The following PCDH7 variants were observed in gnomAD, a reference collection of about 807,000 sequenced individuals.
The protein encoded by PCDH7 is protocadherin 7, also known as protocadherin-7.
A neutral mutation model predicts 58.9 loss-of-function variants in PCDH7; 17 were observed. The ratio of observed to expected loss-of-function variants is 0.29; its 90% CI spans 0.20 to 0.43. The LOEUF is 0.43. PCDH7 is among the 20% of genes least tolerant of loss of function. The pLI is 1.00. For synonymous variants in PCDH7, 664 were observed against 616.4 expected (o/e 1.08, Z -1.14); for missense variants, 1,274 against 1,441.0 (o/e 0.88, Z 1.88).
chr4:31,090,487 G>A (rs894765463), intron 3 of PCDH7, among the ~76,000 whole-genome samples: 2 of 151,960 alleles, frequency 1.3e-5, no homozygotes, highest in Non-Finnish European at 2.9e-5. Flanking sequence ...ACCCTGTTGT[G>A]CTAGCAAATA....
At chr4:30,749,851 A>G (rs1448478501) in intron 1 of PCDH7, among the ~76,000 whole-genome samples, 2 of 152,220 alleles carry the variant, frequency 1.3e-5, no homozygotes, top group Non-Finnish European at 2.9e-5. Flanking sequence ...TAAAAATTCC[A>G]TATGTACCAT....
intron 3 of PCDH7, among the ~76,000 whole-genome samples, chr4:31,048,792 A>G (rs2109216620): frequency 6.6e-6 from 1 of 152,234 alleles, no homozygotes; most frequent in African/African-American, 2.4e-5. Flanking sequence ...AGGAAATCGC[A>G]CTTAACCCAC....
Position 30,721,351 on chromosome 4 carries a change from G to T in PCDH7, c.-72G>T. Reference sequence around the variant, plus strand: ...GAGAGGACTCGGGGGAGGGCAGGCGGCCGGCCCCGGAGGAGGGGGGCGCCG... The same window carrying T: ...GAGAGGACTCGGGGGAGGGCAGGCGTCCGGCCCCGGAGGAGGGGGGCGCCG... On this transcript the variant is annotated 5_prime_UTR_variant, in exon 1 of 2. Transcript: ENST00000361762. The surrounding 1 kb of genome is among the most constrained non-coding windows in gnomAD (Gnocchi z 6.7). 7.3e-7 allele frequency: 1 copy of T among 1,379,164 alleles called. No individual in the cohort carries two copies. Among genetic ancestry groups the T allele is most frequent in the Non-Finnish European group, 9.5e-7 (1 of 1,050,982 alleles). The allele number at this position is 1,379,164 out of a possible 1,614,324, so 85.4% of individuals were successfully genotyped here.
intron 3 of PCDH7, among the ~76,000 whole-genome samples, chr4:30,985,220 G>A (rs899545586): frequency 6.6e-6 from 1 of 152,176 alleles, no homozygotes; most frequent in Non-Finnish European, 1.5e-5. Context: ...GTCTCCCAAA[G>A]TGCTGGGATT....
At chr4:30,840,029 A>AGTGT (rs10687813) in intron 1 of PCDH7, among the ~76,000 whole-genome samples, 2,272 of 148,598 alleles carry the variant, frequency 0.015, 15 homozygotes, top group African/African-American at 0.026. Flanking sequence ...AATGATGATG[A>AGTGT]GTGTGTGTGT....
At chr4:30,916,328 A>G (rs1742471632) in intron 1 of PCDH7, among the ~76,000 whole-genome samples, 1 of 152,316 alleles carries the variant, frequency 6.6e-6, no homozygotes, top group Non-Finnish European at 1.5e-5. Context: ...AGGAACTGTC[A>G]GAAAATGTCT....
intron 1 of PCDH7, among the ~76,000 whole-genome samples, chr4:30,887,155 A>G (rs1737935700): frequency 1.3e-5 from 2 of 152,194 alleles, no homozygotes; most frequent in Admixed American, 6.5e-5. Flanking sequence ...AGCTATGTAT[A>G]GGGACAATCT....
chr4:30,995,844 C>T (rs1751849675), intron 3 of PCDH7, among the ~76,000 whole-genome samples: 1 of 152,126 alleles, frequency 6.6e-6, no homozygotes, highest in African/African-American at 2.4e-5. Flanking sequence ...CCAGGGCTCC[C>T]TCCCTGCCTC....
intron 3 of PCDH7, among the ~76,000 whole-genome samples, chr4:31,135,269 T>C (rs1040494267): frequency 6.6e-6 from 1 of 152,190 alleles, no homozygotes; most frequent in Admixed American, 6.5e-5. Context: ...CCTAGTATCT[T>C]AGGGGCAAGT....
chr4:30,945,118 A>G (rs928889174), intron 2 of PCDH7, among the ~76,000 whole-genome samples: 1 of 152,124 alleles, frequency 6.6e-6, no homozygotes, highest in Non-Finnish European at 1.5e-5. Context: ...AAAAAGAAGC[A>G]TGTCATATTA....
intron 1 of PCDH7, among the ~76,000 whole-genome samples, chr4:30,865,464 C>T (rs1283372302): frequency 6.6e-6 from 1 of 151,964 alleles, no homozygotes; most frequent in Non-Finnish European, 1.5e-5. Flanking sequence ...AGACTATAGT[C>T]TGGAAGGCTG....
intron 1 of PCDH7, among the ~76,000 whole-genome samples, chr4:30,792,317 A>T (rs1724222771): frequency 6.6e-6 from 1 of 152,186 alleles, no homozygotes; most frequent in South Asian, 2.1e-4. Flanking sequence ...CTGGTCTTGG[A>T]GTACATAGTA....
intron 1 of PCDH7, among the ~76,000 whole-genome samples, chr4:30,758,531 T>C (rs554946132): frequency 6.6e-6 from 1 of 152,330 alleles, no homozygotes; most frequent in Non-Finnish European, 1.5e-5. Flanking sequence ...AGGCTCTTGA[T>C]ATTGTGGTTC....
rs1743434814 is a variant in PCDH7, at chr4:30,923,386, C to T, written c.287+3017C>T. 2.0e-5 allele frequency among the ~76,000 whole-genome samples: 3 copies of T among 152,074 alleles called. No homozygotes were observed. The South Asian group carries it at 6.2e-4, about 32-fold the overall frequency. On this transcript the variant is annotated intron_variant, in intron 2 of 3. Coordinates refer to the PCDH7 transcript ENST00000509759. ...AGAAAATTTAAGTGAAATGTACTTA[C>T]ATTTTACAAAAGCGTTATCTTCCTT...
intron 3 of PCDH7, among the ~76,000 whole-genome samples, chr4:31,079,417 G>A (rs1175452422): frequency 7.1e-6 from 1 of 141,112 alleles, no homozygotes; most frequent in African/African-American, 2.6e-5. Flanking sequence ...AGTTATCCAA[G>A]TGGCTGGTAA....
At chr4:30,792,774 G>A (rs778239106) in intron 1 of PCDH7, among the ~76,000 whole-genome samples, 36 of 152,082 alleles carry the variant, frequency 2.4e-4, no homozygotes, top group Non-Finnish European at 1.3e-4. Context: ...GCTGTTAAAG[G>A]CGGGTCAGCA....
At chr4:30,777,316 C>T (rs970037255) in intron 1 of PCDH7, among the ~76,000 whole-genome samples, 3 of 151,976 alleles carry the variant, frequency 2.0e-5, no homozygotes, top group African/African-American at 4.8e-5. Context: ...TGTTTTGACG[C>T]CAAGAATAAC....
At chr4:31,116,710 T>C (rs1717027054) in intron 3 of PCDH7, among the ~76,000 whole-genome samples, 1 of 152,328 alleles carries the variant, frequency 6.6e-6, no homozygotes, top group East Asian at 1.9e-4. Flanking sequence ...AATACAACTG[T>C]AAAATATACA....
At chr4:31,088,245 A>G (rs1712734718) in intron 3 of PCDH7, among the ~76,000 whole-genome samples, 1 of 152,030 alleles carries the variant, frequency 6.6e-6, no homozygotes, top group Non-Finnish European at 1.5e-5. Context: ...GTTATTATCT[A>G]TTTAGAGGAT....
Sources: allele counts gnomAD v4.1 joint callset (sites outside exome capture counted in the v4.1 genomes callset), GRCh38; gene constraint gnomAD v4.1.1; non-coding constraint Gnocchi (gnomAD v3.1); transcripts MANE v1.5; gene names NCBI Gene and HGNC (gene_info 2026-07-23, HGNC 2026-07-21).